USP10: variants seen among roughly 807,000 people sequenced by gnomAD.
USP10 encodes the protein ubiquitin carboxyl-terminal hydrolase 10.
In USP10, 22 loss-of-function variants were observed where a neutral mutation model predicts 84.5. That is an observed-to-expected ratio of 0.26 (90% CI 0.19 to 0.37). The LOEUF is 0.37. Ranked by LOEUF, USP10 falls within the 10% of genes least tolerant of loss-of-function variation. The probability of loss-of-function intolerance (pLI) is 1.00; values close to 1 mark genes in which losing one functional copy is unlikely to be tolerated. For synonymous variants in USP10, 454 were observed against 387.6 expected, an observed-to-expected ratio of 1.17 and a Z score of -2.01; for missense variants, 1,019 against 998.9, an observed-to-expected ratio of 1.02 and a Z score of -0.27.
chr16:84,708,064 C>T (rs764304762), intron 1 of USP10, among the ~76,000 whole-genome samples: 2 of 151,860 alleles, frequency 1.3e-5, no homozygotes, highest in African/African-American at 2.4e-5. Context: ...GGTGACAGAG[C>T]GAGACTCTTA....
intron 1 of USP10, chr16:84,709,066 A>G (rs1423189892): frequency 6.6e-6 from 1 of 152,232 alleles, no homozygotes; most frequent in South Asian, 2.1e-4. Flanking sequence ...CATTCAGCAA[A>G]TAGTTACCGA....
intron 4 of USP10, among the ~76,000 whole-genome samples, chr16:84,746,381 C>T (rs574899328): frequency 2.0e-5 from 3 of 152,216 alleles, no homozygotes; most frequent in African/African-American, 4.8e-5. Flanking sequence ...ATATGTGTTC[C>T]GAGATGTGCG....
chr16:84,757,835 G>C (rs1384263390), intron 4 of USP10, among the ~76,000 whole-genome samples: 1 of 152,116 alleles, frequency 6.6e-6, no homozygotes, highest in Non-Finnish European at 1.5e-5. Flanking sequence ...TTCCTTATTG[G>C]TGAAAGGGTC....
intron 1 of USP10, among the ~76,000 whole-genome samples, chr16:84,712,370 G>C (rs1188684907): frequency 6.6e-6 from 1 of 152,194 alleles, no homozygotes; most frequent in African/African-American, 2.4e-5. Context: ...TGGCCTGGCT[G>C]CTCTTTCGGG....
At chr16:84,751,275 A>G (rs1911901327) in intron 4 of USP10, among the ~76,000 whole-genome samples, 1 of 152,238 alleles carries the variant, frequency 6.6e-6, no homozygotes, top group Non-Finnish European at 1.5e-5. Context: ...AAATTGCCTA[A>G]TGCCACATTT....
At chr16:84,723,584 G>T (rs778311642) in intron 1 of USP10, among the ~76,000 whole-genome samples, 4 of 152,094 alleles carry the variant, frequency 2.6e-5, no homozygotes, top group Non-Finnish European at 4.4e-5. Context: ...TATTTGTGTG[G>T]GTTTTTTCAT....
At chr16:84,756,363 C>T (rs979967401) in intron 4 of USP10, among the ~76,000 whole-genome samples, 1 of 152,202 alleles carries the variant, frequency 6.6e-6, no homozygotes, top group East Asian at 1.9e-4. Flanking sequence ...GAGACCAAGG[C>T]AGGTGGATCA....
At chr16:84,778,855 G>T (rs769815670) in intron 13 of USP10, 40 bp from the exon 14 acceptor site, 1 of 1,589,318 alleles carries the variant, frequency 6.3e-7, no homozygotes, top group South Asian at 1.1e-5. Flanking sequence ...TTCGTGTGCA[G>T]TGCTGTTCTC....
intron 1 of USP10, among the ~76,000 whole-genome samples, chr16:84,713,785 A>G (rs1220606908): frequency 6.6e-6 from 1 of 152,232 alleles, no homozygotes; most frequent in Admixed American, 6.5e-5. Context: ...TTGTGAGGAA[A>G]ATAGTTCACA....
At chr16:84,765,254 C>G (rs1913722513) in intron 10 of USP10, among the ~76,000 whole-genome samples, 2 of 66,984 alleles carry the variant, frequency 3.0e-5, no homozygotes, top group African/African-American at 9.0e-5. Flanking sequence ...CACAGTTACC[C>G]TTGTGTGTGT....
chr16:84,764,088 C>T lies in USP10; in HGVS notation c.1657C>T (p.Leu553Phe), dbSNP rs772037438. The change falls in exon 10 of 14, where the codon CTT (leucine) becomes TTT (phenylalanine). Residue 553 changes from leucine to phenylalanine, a missense_variant and splice_region_variant. Around this residue, in one of 2 missense-constraint regions of USP10, gnomAD observed 787 missense variants for 708.8 expected, o/e 1.11. Transcript: ENST00000219473. ...KKLLSPSNEKLTISNGPKNHS... is the reference protein window; with the variant it reads ...KKLLSPSNEKFTISNGPKNHS... The stretch of plus-strand genomic sequence containing the variant: ...TAAGCAGATGCTCTCCTTTTCAGAA[C>T]TTACGATTTCCAACGGCCCCAAAAA... 1.2e-6 allele frequency: 2 copies of T among 1,611,684 alleles called. No individual in the cohort carries two copies. Among genetic ancestry groups the T allele is most frequent in the African/African-American group, 2.7e-5 (2 of 74,670 alleles).
intron 2 of USP10, among the ~76,000 whole-genome samples, chr16:84,733,725 G>A (rs1215008120): frequency 6.6e-6 from 1 of 152,140 alleles, no homozygotes; most frequent in Non-Finnish European, 1.5e-5. Context: ...AAACATTACA[G>A]ATGCAACTGA....
intron 2 of USP10, among the ~76,000 whole-genome samples, chr16:84,735,236 TG>T (rs1296710271): frequency 3.3e-5 from 4 of 121,676 alleles, no homozygotes; most frequent in East Asian, 2.6e-4. Flanking sequence ...TGTGTGTGTG[TG>T]GTGTGTGTGT....
chr16:84,747,845 G>A (rs1185235780), intron 4 of USP10, among the ~76,000 whole-genome samples: 1 of 152,088 alleles, frequency 6.6e-6, no homozygotes, highest in South Asian at 2.1e-4. Flanking sequence ...GGGATTCCAG[G>A]TGTGGGCCAC....
intron 1 of USP10, among the ~76,000 whole-genome samples, chr16:84,707,431 G>A (rs1597265048): frequency 1.3e-5 from 2 of 152,146 alleles, no homozygotes; most frequent in Admixed American, 6.5e-5. Flanking sequence ...CAGCACAGAC[G>A]TATTTAAAGT....
At chr16:84,753,101 G>A (rs1179138954) in intron 4 of USP10, among the ~76,000 whole-genome samples, 1 of 151,798 alleles carries the variant, frequency 6.6e-6, no homozygotes, top group Non-Finnish European at 1.5e-5. Context: ...TGAGTAGTTG[G>A]GACTATAGGC....
rs1914869583 is a variant in USP10 at position 84,775,188 on chromosome 16, G to A, written c.2172G>A (p.Lys724=). The A allele has an allele frequency of 6.2e-7, 1 of 1,613,662 alleles. No homozygotes were observed. Among genetic ancestry groups the A allele is most frequent in the South Asian group, 1.1e-5 (1 of 91,086 alleles). The change falls in exon 13 of 14, where the codon AAG becomes AAA. Residue 724 remains lysine, a synonymous_variant. Transcript: ENST00000219473. ...KELLSPGVKN[K]NFKCHRTYRL... ...TGCTTTCTCCAGGGGTTAAAAATAA[G>A]AATTTTAAATGCCACCGAACCTATC...
chr16:84,747,818 C>T (rs1389033129), intron 4 of USP10, among the ~76,000 whole-genome samples: 1 of 151,982 alleles, frequency 6.6e-6, no homozygotes, highest in Non-Finnish European at 1.5e-5. Flanking sequence ...CTGCTCGCTT[C>T]AGCCTCCCAA....
intron 1 of USP10, among the ~76,000 whole-genome samples, chr16:84,702,079 G>T (rs1351152612): frequency 8.0e-6 from 1 of 125,456 alleles, no homozygotes; most frequent in African/African-American, 3.1e-5. Flanking sequence ...TTTTTGAGAC[G>T]GGAGTCTTGC....
Sources: allele counts gnomAD v4.1 joint callset (sites outside exome capture counted in the v4.1 genomes callset), GRCh38; gene constraint gnomAD v4.1.1; regional missense constraint gnomAD v4.1.1; transcripts MANE v1.5; gene names NCBI Gene and HGNC (gene_info 2026-07-23, HGNC 2026-07-21).